The following RGS6 variants were observed in gnomAD, a reference collection of about 807,000 sequenced individuals.
The protein encoded by RGS6 is regulator of G protein signaling 6, also known as regulator of G-protein signaling 6.
RGS6 carries 30 observed loss-of-function variants against 78.5 expected under a neutral mutation model. The ratio of observed to expected loss-of-function variants is 0.38; its 90% CI spans 0.29 to 0.52. The LOEUF is 0.52. Ranked by LOEUF, RGS6 falls within the 20% of genes least tolerant of loss-of-function variation. RGS6 has a pLI of 0.85. For synonymous variants in RGS6, 206 were observed against 206.0 expected, an observed-to-expected ratio of 1.00 and a Z score of 0.00; for missense variants, 495 against 609.7, an observed-to-expected ratio of 0.81 and a Z score of 1.98.
intron 3 of RGS6, among the ~76,000 whole-genome samples, chr14:72,366,918 C>A (rs1014811827): frequency 3.9e-5 from 6 of 152,206 alleles, no homozygotes; most frequent in African/African-American, 1.4e-4. Context: ...ACCTGAATGT[C>A]ATGAAGAATT....
intron 3 of RGS6, among the ~76,000 whole-genome samples, chr14:72,440,268 G>T (rs995543067): frequency 4.6e-5 from 7 of 152,082 alleles, no homozygotes; most frequent in Non-Finnish European, 7.4e-5. Context: ...TTTGCTCAGG[G>T]GATTTATTTC....
At chr14:72,037,741 G>A (rs1419611500) in intron 2 of RGS6, among the ~76,000 whole-genome samples, 1 of 152,196 alleles carries the variant, frequency 6.6e-6, no homozygotes, top group Non-Finnish European at 1.5e-5. Flanking sequence ...AGAACTTTCT[G>A]AAGTAATGGA....
intron 2 of RGS6, among the ~76,000 whole-genome samples, chr14:72,181,577 A>G (rs1567400049): frequency 6.6e-6 from 1 of 152,212 alleles, no homozygotes; most frequent in Non-Finnish European, 1.5e-5. Flanking sequence ...TAACAGGACT[A>G]AACTGATTCC....
intron 1 of RGS6, among the ~76,000 whole-genome samples, chr14:71,962,843 G>C (rs1402400448): frequency 6.6e-6 from 1 of 152,046 alleles, no homozygotes; most frequent in East Asian, 1.9e-4. Flanking sequence ...TGTTTTTATG[G>C]AATGACCTTT....
intron 2 of RGS6, among the ~76,000 whole-genome samples, chr14:72,025,767 C>A (rs1032805334): frequency 3.3e-5 from 5 of 152,134 alleles, no homozygotes; most frequent in Non-Finnish European, 7.3e-5. Flanking sequence ...GTGGTAGATG[C>A]TATCATTCTT....
chr14:72,393,232 C>T lies in RGS6; in HGVS notation c.184+41038C>T, dbSNP rs139414857. On this transcript the variant is annotated intron_variant, in intron 3 of 17. Coordinates refer to ENST00000553525, the MANE Select transcript of RGS6 (RefSeq NM_001204424.2). ...TTCTCAGAGTGTTGGGGAACCAGGA[C>T]TGAGCCAGCAGCGAAATATTCTGTG... is the stretch of plus-strand genomic sequence containing the variant. Among the ~76,000 whole-genome samples, 348 of 152,276 alleles carry T rather than the reference C, an allele frequency of 2.3e-3. 3 individuals carry two copies. Among genetic ancestry groups the T allele is most frequent in the African/African-American group, 8.2e-3 (341 of 41,536 alleles).
chr14:72,364,029 C>T (rs1024995057), intron 3 of RGS6, among the ~76,000 whole-genome samples: 9 of 122,340 alleles, frequency 7.4e-5, no homozygotes, highest in African/African-American at 2.6e-4. Flanking sequence ...AAAAAAAACT[C>T]TATATTTATA....
intron 1 of RGS6, among the ~76,000 whole-genome samples, chr14:71,946,791 T>C (rs1433386243): frequency 6.6e-6 from 1 of 152,188 alleles, no homozygotes; most frequent in Non-Finnish European, 1.5e-5. Flanking sequence ...GCAAAGAATA[T>C]TTAATACCCC....
chr14:72,275,870 G>T (rs1314941469), intron 2 of RGS6, among the ~76,000 whole-genome samples: 1 of 152,140 alleles, frequency 6.6e-6, no homozygotes, highest in Non-Finnish European at 1.5e-5. Context: ...GCTTTGGAGG[G>T]TACCTCACAG....
chr14:72,126,460 T>C (rs2096194995), intron 2 of RGS6, among the ~76,000 whole-genome samples: 1 of 152,250 alleles, frequency 6.6e-6, no homozygotes, highest in Admixed American at 6.5e-5. Context: ...GTTTCCAGCA[T>C]AGATGTCTTA....
At chr14:71,942,040 T>C (rs948713503) in intron 1 of RGS6, among the ~76,000 whole-genome samples, 1 of 152,206 alleles carries the variant, frequency 6.6e-6, no homozygotes, top group Non-Finnish European at 1.5e-5. Context: ...GTTGAATCAA[T>C]ATTAGTTTTC....
At chr14:71,969,079 G>T (rs1382329882) in intron 2 of RGS6, among the ~76,000 whole-genome samples, 2 of 152,094 alleles carry the variant, frequency 1.3e-5, no homozygotes, top group Non-Finnish European at 2.9e-5. Context: ...GCAGTGTTTG[G>T]TTTTTTGTTC....
chr14:72,191,398 G>A (rs914803955), intron 2 of RGS6, among the ~76,000 whole-genome samples: 1 of 152,166 alleles, frequency 6.6e-6, no homozygotes, highest in Non-Finnish European at 1.5e-5. Flanking sequence ...GACCTTCCAT[G>A]TTGTATTAGT....
At chr14:72,317,379 C>G (rs1386360655) in intron 2 of RGS6, among the ~76,000 whole-genome samples, 1 of 152,106 alleles carries the variant, frequency 6.6e-6, no homozygotes, top group Non-Finnish European at 1.5e-5. Context: ...CCTTTTTAAT[C>G]TCACACCAGT....
intron 13 of RGS6, among the ~76,000 whole-genome samples, chr14:72,504,054 T>G (rs2096764975): frequency 6.6e-6 from 1 of 152,224 alleles, no homozygotes; most frequent in Non-Finnish European, 1.5e-5. Context: ...TTAAAACTGT[T>G]CTGCTCTCCT....
chr14:72,424,939 G>A (rs1422294440), intron 3 of RGS6, among the ~76,000 whole-genome samples: 1 of 152,170 alleles, frequency 6.6e-6, no homozygotes. Flanking sequence ...TCCTGAGTTT[G>A]GCTCCATGCT....
At chr14:72,256,647 G>A (rs1270857071) in intron 2 of RGS6, among the ~76,000 whole-genome samples, 1 of 152,086 alleles carries the variant, frequency 6.6e-6, no homozygotes, top group Non-Finnish European at 1.5e-5. Flanking sequence ...TTTGGGAAAG[G>A]GCTATTATCA....
intron 5 of RGS6, 42 bp downstream of exon 5, chr14:72,458,419 C>G: frequency 2.9e-6 from 4 of 1,388,696 alleles, no homozygotes; most frequent in Non-Finnish European, 4.1e-6. Flanking sequence ...CTTTTCTTCA[C>G]AACATCATCT....
chr14:72,491,598 A>G (rs1164970973), intron 12 of RGS6, among the ~76,000 whole-genome samples: 5 of 152,284 alleles, frequency 3.3e-5, no homozygotes, highest in South Asian at 4.1e-4. Context: ...TGTATTTGTT[A>G]TTTTTTATTT....
Sources: allele counts gnomAD v4.1 joint callset (sites outside exome capture counted in the v4.1 genomes callset), GRCh38; gene constraint gnomAD v4.1.1; transcripts MANE v1.5; gene names NCBI Gene and HGNC (gene_info 2026-07-23, HGNC 2026-07-21).